Variants in NTM observed in about 807,000 individuals in gnomAD.
The protein encoded by NTM is neurotrimin.
In NTM, 13 loss-of-function variants were observed where a neutral mutation model predicts 42.1. That is an observed-to-expected ratio of 0.31 (90% CI 0.20 to 0.49). NTM has a LOEUF of 0.49. NTM is among the 20% of genes least tolerant of loss of function. The pLI is 0.99. For synonymous variants in NTM, 187 were observed against 179.2 expected (o/e 1.04, Z -0.35); for missense variants, 373 against 452.8 (o/e 0.82, Z 1.60).
chr11:132,256,851 G>A (rs554708321), intron 4 of NTM, among the ~76,000 whole-genome samples: 2 of 152,184 alleles, frequency 1.3e-5, no homozygotes, highest in African/African-American at 2.4e-5. Flanking sequence ...CCGTGTTATC[G>A]TCGGGACCCC....
chr11:131,554,738 G>A (rs900229789), intron 1 of NTM, among the ~76,000 whole-genome samples: 1 of 152,072 alleles, frequency 6.6e-6, no homozygotes, highest in African/African-American at 2.4e-5. Context: ...AAAGTAATTA[G>A]GTTGCAACAA....
chr11:132,272,700 A>G (rs1461821296), intron 4 of NTM, among the ~76,000 whole-genome samples: 1 of 152,120 alleles, frequency 6.6e-6, no homozygotes, highest in Non-Finnish European at 1.5e-5. Context: ...TAGAAATACA[A>G]TTGATTTTTG....
In NTM at chr11:131,585,388, A is replaced by T. The variant is rs1198973824; in HGVS notation, c.82+214500A>T. Among the ~76,000 whole-genome samples the T allele has an allele frequency of 3.9e-5, 6 of 152,038 alleles. No homozygotes were observed. The East Asian group carries it at 1.2e-3, about 30-fold the overall frequency. ...GATTGACAAGTCCGGGTTTGGTGGGAGGAAGTTCACCATGGGAGACACTCC... is the reference window on the plus strand; with the variant it reads ...GATTGACAAGTCCGGGTTTGGTGGGTGGAAGTTCACCATGGGAGACACTCC... On this transcript the variant is annotated intron_variant, in intron 1 of 8. Transcript: ENST00000683400.
At chr11:132,294,868 T>C (rs904105689) in intron 4 of NTM, among the ~76,000 whole-genome samples, 1 of 152,144 alleles carries the variant, frequency 6.6e-6, no homozygotes, top group Non-Finnish European at 1.5e-5. Context: ...ACCTAATTGA[T>C]GATGACATAA....
intron 1 of NTM, among the ~76,000 whole-genome samples, chr11:131,866,074 ACT>A (rs1027635919): frequency 5.2e-5 from 6 of 115,228 alleles, no homozygotes; most frequent in African/African-American, 1.4e-4. Flanking sequence ...CACCCCACAC[ACT>A]CTCACACATG....
At chr11:132,274,698 T>C (rs1485383459) in intron 4 of NTM, among the ~76,000 whole-genome samples, 1 of 152,198 alleles carries the variant, frequency 6.6e-6, no homozygotes, top group African/African-American at 2.4e-5. Context: ...ATATGGTTTA[T>C]CTTGGAGGAT....
At chr11:131,540,154 GTTTTTTTTTT>G (rs57022166) in intron 1 of NTM, among the ~76,000 whole-genome samples, 2 of 86,684 alleles carry the variant, frequency 2.3e-5, no homozygotes, top group African/African-American at 4.2e-5. Context: ...ATTTAAGCTT[GTTTTTTTTTT>G]TTTTTTTTTT....
intron 1 of NTM, among the ~76,000 whole-genome samples, chr11:131,789,285 G>C (rs2089786336): frequency 6.6e-6 from 1 of 150,970 alleles, no homozygotes; most frequent in South Asian, 2.1e-4. Flanking sequence ...TTGCAGTTAA[G>C]AGTATTTTAA....
In NTM at chr11:131,387,933, G is replaced by T. The variant is rs540050710; in HGVS notation, c.82+17045G>T. On this transcript the variant is annotated intron_variant, in intron 1 of 8. Coordinates refer to ENST00000683400, the MANE Select transcript of NTM (RefSeq NM_001352005.2). Reference sequence around the variant, plus strand: ...AAGAGAAAGGAGTCTGTGACATCTAGCATCATTAGACCAGGACTCTCCAAG... The same window carrying T: ...AAGAGAAAGGAGTCTGTGACATCTATCATCATTAGACCAGGACTCTCCAAG... Among the ~76,000 whole-genome samples the T allele has an allele frequency of 1.8e-4, 27 of 152,310 alleles. 1 individual carries two copies. The South Asian group carries it at 5.2e-3, about 29-fold the overall frequency.
intron 1 of NTM, among the ~76,000 whole-genome samples, chr11:131,458,848 C>G (rs1036064256): frequency 1.3e-5 from 2 of 152,212 alleles, no homozygotes; most frequent in Non-Finnish European, 2.9e-5. Flanking sequence ...GGGTTCCACT[C>G]AAGAGCTTGT....
At chr11:131,887,586 A>C (rs185718177) in intron 1 of NTM, among the ~76,000 whole-genome samples, 2 of 152,252 alleles carry the variant, frequency 1.3e-5, no homozygotes, top group Non-Finnish European at 2.9e-5. Context: ...TTCTAAAAAA[A>C]CTACAGATCC....
chr11:132,222,372 A>G (rs2085345376), intron 4 of NTM, among the ~76,000 whole-genome samples: 1 of 152,126 alleles, frequency 6.6e-6, no homozygotes. Flanking sequence ...TTGTGCATTG[A>G]TTATTATTAG....
chr11:131,471,470 TAC>T (rs1370107401), intron 1 of NTM, among the ~76,000 whole-genome samples: 1 of 152,186 alleles, frequency 6.6e-6, no homozygotes, highest in Admixed American at 6.5e-5. Flanking sequence ...TTGTAATAGT[TAC>T]ATGTGCTACT....
At chr11:131,649,245 G>C (rs975385711) in intron 1 of NTM, among the ~76,000 whole-genome samples, 1 of 152,162 alleles carries the variant, frequency 6.6e-6, no homozygotes, top group African/African-American at 2.4e-5. Context: ...TGGTAAACAG[G>C]GGATTTACTT....
chr11:131,488,207 T>C (rs1341811123), intron 1 of NTM, among the ~76,000 whole-genome samples: 5 of 152,330 alleles, frequency 3.3e-5, no homozygotes, highest in African/African-American at 1.2e-4. Context: ...CAAGAATGAC[T>C]TATGATTTCT....
intron 1 of NTM, among the ~76,000 whole-genome samples, chr11:131,784,096 C>T (rs762819515): frequency 1.9e-4 from 29 of 152,180 alleles, no homozygotes; most frequent in South Asian, 1.2e-3. Flanking sequence ...ACGCCTCTTC[C>T]CACATTCTAG....
chr11:131,610,741 G>A (rs570020907), intron 1 of NTM, among the ~76,000 whole-genome samples: 2 of 152,290 alleles, frequency 1.3e-5, no homozygotes, highest in Non-Finnish European at 1.5e-5. Flanking sequence ...AATGGAGGAG[G>A]GCGTGAGTAG....
rs2137333435 is a variant in NTM at position 132,146,528 on chromosome 11, G to C, written c.400+14G>C. 6.2e-7 allele frequency: 1 copy of C among 1,610,492 alleles called. No individual in the cohort carries two copies. ...TCATTGTGCAAGGTAGGTGGGCGGG[G>C]CTTGGCGGGGAGATCTGGCTGGCCA... On this transcript the variant is annotated intron_variant, in intron 3 of 8. Coordinates refer to ENST00000683400, the MANE Select transcript of NTM (RefSeq NM_001352005.2). The surrounding 1 kb of genome is among the most constrained non-coding windows in gnomAD (Gnocchi z 4.5).
intron 1 of NTM, among the ~76,000 whole-genome samples, chr11:131,442,448 T>C (rs910200160): frequency 1.3e-5 from 2 of 152,152 alleles, no homozygotes; most frequent in African/African-American, 2.4e-5. Context: ...ATTGGGGTTG[T>C]ACCCATGCAG....
Sources: gnomAD v4.1 joint callset for allele counts (sites outside exome capture counted in the v4.1 genomes callset) on GRCh38, gnomAD v4.1.1 for gene constraint, Gnocchi (gnomAD v3.1) non-coding constraint, MANE v1.5 for transcripts, NCBI Gene and HGNC (gene_info 2026-07-23, HGNC 2026-07-21) for gene names.